XBP1: variants seen among roughly 807,000 people sequenced by gnomAD.
XBP1 encodes X-box binding protein 1.
A neutral mutation model predicts 34.6 loss-of-function variants in XBP1; 18 were observed. The ratio of observed to expected loss-of-function variants is 0.52; its 90% confidence interval spans 0.36 to 0.77. XBP1 has a LOEUF of 0.77. Among genes scored for constraint, XBP1 ranks in the 30% least tolerant of loss-of-function variants. XBP1 has a pLI of 0.00. For synonymous variants in XBP1, 191 were observed against 193.4 expected, an observed-to-expected ratio of 0.99 and a Z score of 0.11; for missense variants, 422 against 464.6, an observed-to-expected ratio of 0.91 and a Z score of 0.84.
At chr22:28,796,929 A>C (rs2031761991) in intron 3 of XBP1, 148 bp downstream of exon 3, 1 of 969,556 alleles carries the variant, frequency 1.0e-6, no homozygotes, top group African/African-American at 1.6e-5. Context: ...TAGGGGAAGA[A>C]CACTCTGCCT....
chr22:28,795,324 G>A (rs2031726566), exon 6 of XBP1: 1 of 1,551,866 alleles, frequency 6.4e-7, no homozygotes, highest in South Asian at 1.2e-5. Context: ...CAGGAAGATG[G>A]CTTTGGGCAG....
intron 1 of XBP1, among the ~76,000 whole-genome samples, chr22:28,799,445 A>G (rs143513819): frequency 6.6e-6 from 1 of 152,256 alleles, no homozygotes; most frequent in Non-Finnish European, 1.5e-5. Flanking sequence ...CTTGCATCAT[A>G]AGGAACTTTC....
In XBP1 at chr22:28,800,280, C is replaced by T. The variant is rs765358595; in HGVS notation, c.227+18G>A. 9 of 1,549,596 alleles carry T rather than the reference C, an allele frequency of 5.8e-6. No homozygotes were observed. In the African/African-American group the frequency reaches 9.7e-5, roughly 17 times the overall value. ...TCCCGGCTTCAGATCTGGCCCCAGA[C>T]CCCGGCCCCTCGCCCACCTCCTCAG... On this transcript the variant is annotated intron_variant, in intron 1 of 5. Transcript: ENST00000344347.
chr22:28,800,249 C>T (rs1364367402), intron 1 of XBP1, 49 bp downstream of exon 1: 16 of 1,539,224 alleles, frequency 1.0e-5, no homozygotes, highest in Non-Finnish European at 1.3e-5. Flanking sequence ...CTGCCCCTGT[C>T]CCTAGTCCCG....
At chr22:28,795,371 G>A (rs923370905) in exon 6 of XBP1, 14 of 1,552,408 alleles carry the variant, frequency 9.0e-6, no homozygotes, top group East Asian at 2.4e-5. Context: ...ACCCAGCTCC[G>A]GAACGAGGTC....
chr22:28,797,183 T>C, exon 3 of XBP1: 2 of 1,612,700 alleles, frequency 1.2e-6, no homozygotes, highest in Non-Finnish European at 1.7e-6. Context: ...TAAAAGCTGA[T>C]TTTCTAGCAA....
At position 28,795,735 on chromosome 22, in the gene XBP1, G is replaced by GT. The variant is rs768872720; in HGVS notation, c.574-4dup. On this transcript the variant is annotated splice_polypyrimidine_tract_variant and splice_region_variant and intron_variant, in intron 5 of 5. Transcript: ENST00000344347. The stretch of plus-strand genomic sequence containing the variant: ...AGAATGCCCAACAGGATATCAGACT[G>GT]TAAGAGGCAAAAATTAAATGAAGTA... 2.0e-5 allele frequency: 31 copies of GT among 1,525,996 alleles called. No homozygotes were observed. In the East Asian group the frequency reaches 2.0e-4, roughly 10 times the overall value. 94.5% of individuals were successfully genotyped at this position (1,525,996 alleles called of 1,614,324 possible). A position where few individuals can be genotyped will look rare whatever the true frequency, so the allele number is the denominator to read the frequency against.
Position 28,795,910 on chromosome 22 carries a change from G to A in XBP1, c.573+137C>T, listed in dbSNP as rs34842534. 6.9e-3 allele frequency: 8,833 copies of A among 1,286,768 alleles called. 53 individuals are homozygous for A. The highest frequency in any genetic ancestry group is 0.018 in the Middle Eastern group (75 of 4,064). 79.7% of individuals were successfully genotyped at this position (1,286,768 alleles called of 1,614,324 possible). On this transcript the variant is annotated intron_variant, in intron 5 of 5. Coordinates refer to ENST00000344347, the Ensembl canonical transcript of XBP1. ...CCATGTTCTATATTACCTGGAACTA[G>A]GAAGGTAGTTGATGTTCACCTCCAA...
intron 3 of XBP1, 35 bp downstream of exon 3, chr22:28,797,042 C>T: frequency 6.3e-7 from 1 of 1,585,102 alleles, no homozygotes; most frequent in Non-Finnish European, 8.5e-7. Flanking sequence ...GGAACCAGTA[C>T]TCACATGAGG....
At chr22:28,799,880 TC>T (rs1282723802) in intron 1 of XBP1, 3 of 723,196 alleles carry the variant, frequency 4.1e-6, no homozygotes, top group East Asian at 2.5e-5. Flanking sequence ...CTCGCAGAAT[TC>T]CCAGCCCTTT....
chr22:28,797,627 C>A (rs1359593023), intron 2 of XBP1, among the ~76,000 whole-genome samples: 1 of 151,784 alleles, frequency 6.6e-6, no homozygotes. Flanking sequence ...CTAAAAAATC[C>A]AAAAATTAGC....
chr22:28,795,961 T>C (rs2031742952), intron 5 of XBP1, 86 bp downstream of exon 5: 1 of 1,554,702 alleles, frequency 6.4e-7, no homozygotes, highest in South Asian at 1.1e-5. Context: ...ACTTCAACCC[T>C]CATCTGTCTA....
At position 28,796,980 on chromosome 22, in the gene XBP1, G is replaced by A. The variant is rs1051384989; in HGVS notation, c.453+97C>T. The A allele has an allele frequency of 1.2e-5, 18 of 1,443,928 alleles. No homozygotes were observed. The Admixed American group carries it at 1.9e-4, about 15-fold the overall frequency. The allele number at this position is 1,443,928 out of a possible 1,614,324, so 89.4% of individuals were successfully genotyped here. A position where few individuals can be genotyped will look rare whatever the true frequency, so the allele number is the denominator to read the frequency against. On this transcript the variant is annotated intron_variant, in intron 3 of 5. Transcript: ENST00000344347. The stretch of plus-strand genomic sequence containing the variant: ...AAAACTGAAGGAAAATTTCAAGAAC[G>A]CTCTTGATCAGAAGTCCAGACTGTA...
chr22:28,799,593 G>A (rs2031826601), intron 1 of XBP1, among the ~76,000 whole-genome samples: 1 of 152,176 alleles, frequency 6.6e-6, no homozygotes, highest in South Asian at 2.1e-4. Context: ...ATTTAGAAAA[G>A]GGAGAGGCTG....
At chr22:28,799,624 G>T (rs2031827412) in intron 1 of XBP1, among the ~76,000 whole-genome samples, 1 of 152,208 alleles carries the variant, frequency 6.6e-6, no homozygotes, top group Non-Finnish European at 1.5e-5. Context: ...CTGATCTCTA[G>T]TGTTGAGATC....
chr22:28,800,272 G>A (rs921521767), intron 1 of XBP1, 26 bp downstream of exon 1: 1 of 1,547,892 alleles, frequency 6.5e-7, no homozygotes, highest in South Asian at 1.2e-5. Context: ...TTCAGATCTG[G>A]CCCCAGACCC....
In XBP1 at chr22:28,797,208, G is replaced by A. The variant is rs111937954; in HGVS notation, c.325-3C>T. 6.2e-7 allele frequency: 1 copy of A among 1,611,732 alleles called. No individual in the cohort carries two copies. Reference sequence around the variant, plus strand: ...TTTTCTAGCAAAAGTTTTTGGTTCTGGAAGAAAGTTCATAAGAGGCTATTA... The same window carrying A: ...TTTTCTAGCAAAAGTTTTTGGTTCTAGAAGAAAGTTCATAAGAGGCTATTA... On this transcript the variant is annotated splice_polypyrimidine_tract_variant and splice_region_variant and intron_variant, in intron 2 of 5. Coordinates refer to ENST00000344347, the Ensembl canonical transcript of XBP1.
exon 3 of XBP1, chr22:28,797,154 G>A: frequency 2.5e-6 from 4 of 1,613,612 alleles, no homozygotes; most frequent in Non-Finnish European, 3.4e-6. Flanking sequence ...TCAACTACAA[G>A]GCCATGAGTT....
rs147520314 is a variant in XBP1, at chr22:28,796,070, C to T, written c.550G>A (p.Gly184Ser). The T allele has an allele frequency of 2.8e-5, 45 of 1,614,008 alleles. No homozygotes were observed. Among genetic ancestry groups the T allele is most frequent in the East Asian group, 1.1e-4 (5 of 44,890 alleles). ...ACCTCTGAATCTGAAGAGTCAATAC[C>T]GCCAGAATCCATGGGGAGATGTTCT... The change falls in exon 5 of 6, where the codon GGT (glycine) becomes AGT (serine). Residue 184 changes from glycine to serine, a missense_variant. Physicochemically the swap from Gly to Ser is moderately conservative, Grantham distance 56 (BLOSUM62 0). Coordinates refer to ENST00000344347, the Ensembl canonical transcript of XBP1.
Sources: allele counts gnomAD v4.1 joint callset (sites outside exome capture counted in the v4.1 genomes callset), GRCh38; gene constraint gnomAD v4.1.1; transcripts MANE v1.5; gene names NCBI Gene and HGNC (gene_info 2026-07-23, HGNC 2026-07-21).